The following SNTG1 variants were observed in gnomAD, a reference collection of about 807,000 sequenced individuals.
SNTG1 encodes the protein gamma-1-syntrophin.
SNTG1 carries 39 observed loss-of-function variants against 74.7 expected under a neutral mutation model. The ratio of observed to expected loss-of-function variants is 0.52; its 90% CI spans 0.40 to 0.68. The LOEUF is 0.68. Among genes scored for constraint, SNTG1 ranks in the 30% least tolerant of loss-of-function variants. SNTG1 has a pLI of 0.00. For synonymous variants in SNTG1, 254 were observed against 217.1 expected (o/e 1.17, Z -1.49); for missense variants, 685 against 609.5 (o/e 1.12, Z -1.30).
At chr8:50,345,029 T>G (rs896194487) in intron 2 of SNTG1, among the ~76,000 whole-genome samples, 5 of 152,162 alleles carry the variant, frequency 3.3e-5, no homozygotes, top group African/African-American at 9.7e-5. Context: ...AGGGGAGGCC[T>G]TGATAGAAAC....
intron 1 of SNTG1, among the ~76,000 whole-genome samples, chr8:49,987,649 C>CA (rs1554540626): frequency 2.3e-5 from 3 of 131,552 alleles, no homozygotes; most frequent in Non-Finnish European, 4.7e-5. Flanking sequence ...TTAAATTAAC[C>CA]TTTTTTTTTT....
chr8:50,671,757 C>T (rs536381591), intron 15 of SNTG1, among the ~76,000 whole-genome samples: 246 of 151,856 alleles, frequency 1.6e-3, no homozygotes, highest in Non-Finnish European at 2.7e-3. Flanking sequence ...ATGTTTATTG[C>T]GGCACTATTC....
rs985255985 is a variant in SNTG1, at chr8:50,408,407, C to T, written c.162+6063C>T. Reference sequence around the variant, plus strand: ...TAGACGCACTAGGGAGTCAGTTATGCCAGATTTCTCTCATTGTTATAATTG... The same window carrying T: ...TAGACGCACTAGGGAGTCAGTTATGTCAGATTTCTCTCATTGTTATAATTG... On this transcript the variant is annotated intron_variant, in intron 4 of 18. Transcript: ENST00000642720. Among the ~76,000 whole-genome samples, 4 of 152,072 alleles carry T rather than the reference C, an allele frequency of 2.6e-5. No homozygotes were observed. In the East Asian group the frequency reaches 7.7e-4, roughly 29 times the overall value.
At chr8:50,274,403 C>A (rs1272183495) in intron 2 of SNTG1, among the ~76,000 whole-genome samples, 1 of 148,970 alleles carries the variant, frequency 6.7e-6, no homozygotes, top group Non-Finnish European at 1.5e-5. Context: ...AAATCATGTA[C>A]CCTGCAACCC....
intron 2 of SNTG1, among the ~76,000 whole-genome samples, chr8:50,274,368 T>A (rs558598657): frequency 9.2e-5 from 14 of 152,036 alleles, no homozygotes; most frequent in Non-Finnish European, 1.9e-4. Context: ...ATTGCAGGTG[T>A]GAGCCACAGC....
rs138540692 is a variant in SNTG1 at position 50,629,237 on chromosome 8, A to C, written c.850-27672A>C. ...TATTCTACAGCAGAGATTTTTTTCA[A>C]ATTTCTTTAATGTATACAATTTTTT... is the stretch of plus-strand genomic sequence containing the variant. On this transcript the variant is annotated intron_variant, in intron 13 of 18. Transcript: ENST00000642720. Among the ~76,000 whole-genome samples, 3 of 152,032 alleles carry C rather than the reference A, an allele frequency of 2.0e-5. No homozygotes were observed. The South Asian group carries it at 6.2e-4, about 32-fold the overall frequency.
chr8:50,293,085 G>A (rs186068865), intron 2 of SNTG1, among the ~76,000 whole-genome samples: 208 of 152,202 alleles, frequency 1.4e-3, no homozygotes, highest in South Asian at 6.2e-4. Flanking sequence ...AACAACCTGC[G>A]TGTAGCCTTT....
intron 18 of SNTG1, among the ~76,000 whole-genome samples, chr8:50,788,006 C>T (rs533419203): frequency 3.9e-5 from 6 of 152,066 alleles, no homozygotes; most frequent in Non-Finnish European, 8.8e-5. Context: ...CTATATCTCC[C>T]TAAGGCTGCT....
At chr8:50,137,696 T>C (rs997118663) in intron 1 of SNTG1, among the ~76,000 whole-genome samples, 1 of 152,094 alleles carries the variant, frequency 6.6e-6, no homozygotes, top group Non-Finnish European at 1.5e-5. Flanking sequence ...GGAAGTGACA[T>C]GGAGTAAACC....
intron 1 of SNTG1, among the ~76,000 whole-genome samples, chr8:50,063,184 T>C (rs2130949699): frequency 6.6e-6 from 1 of 152,230 alleles, no homozygotes; most frequent in East Asian, 1.9e-4. Flanking sequence ...ATCTCAGATA[T>C]CCAATTTTAT....
intron 15 of SNTG1, among the ~76,000 whole-genome samples, chr8:50,671,417 T>C (rs964665167): frequency 7.3e-5 from 11 of 151,146 alleles, no homozygotes; most frequent in Admixed American, 2.6e-4. Context: ...AGAAGATATT[T>C]ATGCAGCCAA....
At chr8:50,673,478 G>C (rs915595091) in intron 15 of SNTG1, among the ~76,000 whole-genome samples, 2 of 152,018 alleles carry the variant, frequency 1.3e-5, no homozygotes, top group African/African-American at 4.8e-5. Flanking sequence ...CTCTCTGCTT[G>C]TCTATTGTTG....
At chr8:50,493,089 T>C (rs2093872859) in intron 8 of SNTG1, among the ~76,000 whole-genome samples, 1 of 152,098 alleles carries the variant, frequency 6.6e-6, no homozygotes, top group South Asian at 2.1e-4. Flanking sequence ...TAATAAATGG[T>C]GTTGGGAAAA....
At chr8:50,698,799 C>T (rs1257857091) in intron 15 of SNTG1, among the ~76,000 whole-genome samples, 1 of 151,980 alleles carries the variant, frequency 6.6e-6, no homozygotes, top group Non-Finnish European at 1.5e-5. Context: ...AGATCTAGGG[C>T]TTAGAAAAGT....
chr8:50,647,010 G>A (rs2095113332), intron 13 of SNTG1, among the ~76,000 whole-genome samples: 1 of 151,822 alleles, frequency 6.6e-6, no homozygotes, highest in Non-Finnish European at 1.5e-5. Context: ...ATCCACATGA[G>A]GAATAAAAAA....
At chr8:50,317,676 G>T (rs1164436748) in intron 2 of SNTG1, among the ~76,000 whole-genome samples, 3 of 152,158 alleles carry the variant, frequency 2.0e-5, no homozygotes, top group Non-Finnish European at 4.4e-5. Flanking sequence ...CTCTGGAAAA[G>T]AGCTAGAACA....
At chr8:50,166,787 A>T (rs2082629425) in intron 1 of SNTG1, among the ~76,000 whole-genome samples, 1 of 145,852 alleles carries the variant, frequency 6.9e-6, no homozygotes. Flanking sequence ...TACCCAAAGG[A>T]CTATAAATCA....
chr8:50,021,942 AAAAAAATAAAAAT>A (rs1352613397), intron 1 of SNTG1, among the ~76,000 whole-genome samples: 1 of 109,324 alleles, frequency 9.1e-6, no homozygotes, highest in African/African-American at 3.1e-5. Flanking sequence ...CCCTCTCAAA[AAAAAAATAAAAAT>A]AAAAATAAAA....
At chr8:50,446,359 C>T (rs563250550) in intron 5 of SNTG1, among the ~76,000 whole-genome samples, 5 of 135,326 alleles carry the variant, frequency 3.7e-5, no homozygotes, top group African/African-American at 8.4e-5. Context: ...CATCAGAGCT[C>T]CAAATGTCTA....
Sources: allele counts gnomAD v4.1 joint callset (sites outside exome capture counted in the v4.1 genomes callset), GRCh38; gene constraint gnomAD v4.1.1; transcripts MANE v1.5; gene names NCBI Gene and HGNC (gene_info 2026-07-23, HGNC 2026-07-21).